The following RALGAPA2 variants were observed in gnomAD, a reference collection of about 807,000 sequenced individuals.
RALGAPA2 encodes Ral GTPase activating protein catalytic subunit alpha 2.
A neutral mutation model predicts 230.4 loss-of-function variants in RALGAPA2; 139 were observed. That is an observed-to-expected ratio of 0.60 (90% CI 0.53 to 0.69). The LOEUF (loss-of-function observed/expected upper bound fraction) is 0.69. Ranked by LOEUF, RALGAPA2 falls within the 30% of genes least tolerant of loss-of-function variation. The pLI is 0.00. For missense variants in RALGAPA2, 2,163 were observed against 2,276.0 expected (o/e 0.95, Z 1.01); for synonymous variants, 847 against 837.8 (o/e 1.01, Z -0.19).
chr20:20,623,251 C>T (rs1009911241), intron 10 of RALGAPA2, among the ~76,000 whole-genome samples: 5 of 151,996 alleles, frequency 3.3e-5, no homozygotes, highest in African/African-American at 9.7e-5. Context: ...AACATATGGA[C>T]GGGGGAGGCT....
intron 36 of RALGAPA2, among the ~76,000 whole-genome samples, chr20:20,488,642 T>A (rs185577469): frequency 7.7e-4 from 117 of 152,326 alleles, no homozygotes; most frequent in Non-Finnish European, 5.1e-4. Flanking sequence ...GTGATGACTA[T>A]CAAGCTCCCT....
intron 1 of RALGAPA2, among the ~76,000 whole-genome samples, chr20:20,709,409 C>T (rs2069753086): frequency 6.6e-6 from 1 of 151,952 alleles, no homozygotes; most frequent in South Asian, 2.1e-4. Context: ...ATTACTCGAG[C>T]CAGGGAGGCC....
At chr20:20,671,179 G>C (rs1369937058) in intron 3 of RALGAPA2, among the ~76,000 whole-genome samples, 1 of 152,118 alleles carries the variant, frequency 6.6e-6, no homozygotes, top group Non-Finnish European at 1.5e-5. Flanking sequence ...TCAGAATACT[G>C]TAATGTCTCC....
intron 36 of RALGAPA2, among the ~76,000 whole-genome samples, chr20:20,487,343 T>G (rs2061937551): frequency 6.6e-6 from 1 of 152,218 alleles, no homozygotes; most frequent in Non-Finnish European, 1.5e-5. Context: ...AAATAAGATC[T>G]GGGATGTGCA....
chr20:20,628,697 T>C (rs928462115), intron 10 of RALGAPA2, among the ~76,000 whole-genome samples: 1 of 152,158 alleles, frequency 6.6e-6, no homozygotes, highest in Non-Finnish European at 1.5e-5. Flanking sequence ...ACCAAAACTG[T>C]TTCCAGACAT....
intron 4 of RALGAPA2, among the ~76,000 whole-genome samples, chr20:20,648,259 A>G (rs1053370642): frequency 1.3e-5 from 2 of 152,224 alleles, no homozygotes; most frequent in African/African-American, 4.8e-5. Context: ...ATACTTCATG[A>G]TTCTACTTAT....
At chr20:20,545,633 T>C (rs940064275) in intron 24 of RALGAPA2, among the ~76,000 whole-genome samples, 7 of 152,202 alleles carry the variant, frequency 4.6e-5, no homozygotes, top group Non-Finnish European at 7.3e-5. Context: ...CACCAATGCT[T>C]AGCAAATAGT....
chr20:20,601,037 T>C (rs1007810215), intron 16 of RALGAPA2, among the ~76,000 whole-genome samples: 2 of 151,826 alleles, frequency 1.3e-5, no homozygotes, highest in Admixed American at 1.3e-4. Context: ...AAGGCAGAGG[T>C]TGCAGTGAGC....
intron 24 of RALGAPA2, among the ~76,000 whole-genome samples, chr20:20,546,494 C>T (rs1365558981): frequency 2.0e-5 from 3 of 152,170 alleles, no homozygotes; most frequent in African/African-American, 7.2e-5. Flanking sequence ...TGATTTCTCA[C>T]ACTTTGGCCT....
intron 23 of RALGAPA2, among the ~76,000 whole-genome samples, chr20:20,557,712 A>G (rs2064126827): frequency 6.6e-6 from 1 of 152,214 alleles, no homozygotes; most frequent in South Asian, 2.1e-4. Flanking sequence ...ATAAGTACGG[A>G]AAACACAACA....
At chr20:20,700,522 G>A (rs2069312321) in intron 1 of RALGAPA2, among the ~76,000 whole-genome samples, 1 of 152,116 alleles carries the variant, frequency 6.6e-6, no homozygotes, top group Non-Finnish European at 1.5e-5. Flanking sequence ...GATGGGGTGG[G>A]GAATGTGACT....
intron 24 of RALGAPA2, among the ~76,000 whole-genome samples, chr20:20,543,296 C>T (rs1039500340): frequency 2.0e-5 from 3 of 152,078 alleles, no homozygotes; most frequent in East Asian, 1.9e-4. Flanking sequence ...CTGTCTGCCC[C>T]GGCCTCCTAA....
At chr20:20,449,863 C>G (rs368656282) in intron 37 of RALGAPA2, among the ~76,000 whole-genome samples, 1 of 152,168 alleles carries the variant, frequency 6.6e-6, no homozygotes, top group East Asian at 1.9e-4. Context: ...TAATTGACAA[C>G]TTTAGAACAA....
At chr20:20,684,315 C>T (rs2068627038) in intron 1 of RALGAPA2, among the ~76,000 whole-genome samples, 1 of 152,154 alleles carries the variant, frequency 6.6e-6, no homozygotes, top group Non-Finnish European at 1.5e-5. Flanking sequence ...ATGCAGCAAG[C>T]TGGCACAGAA....
chr20:20,681,831 C>T (rs2068531996), intron 1 of RALGAPA2, among the ~76,000 whole-genome samples: 1 of 152,112 alleles, frequency 6.6e-6, no homozygotes, highest in South Asian at 2.1e-4. Flanking sequence ...TGCACTTCAG[C>T]CTGGGCAAGA....
chr20:20,548,955 C>T (rs372508210), intron 23 of RALGAPA2, among the ~76,000 whole-genome samples: 21 of 152,112 alleles, frequency 1.4e-4, no homozygotes, highest in African/African-American at 4.8e-4. Flanking sequence ...TAGCAGAATG[C>T]CATGCATTTG....
chr20:20,653,635 AT>A (rs35295219), intron 3 of RALGAPA2, 48 bp from the exon 4 acceptor site: 1 of 1,169,830 alleles, frequency 8.5e-7, no homozygotes, highest in Non-Finnish European at 1.2e-6. Flanking sequence ...GAAATTACAC[AT>A]TTTCATGACA....
intron 37 of RALGAPA2, among the ~76,000 whole-genome samples, chr20:20,431,361 A>G (rs1602347990): frequency 6.6e-6 from 1 of 151,990 alleles, no homozygotes; most frequent in South Asian, 2.1e-4. Context: ...TGGAGGGGGG[A>G]GAAGGAAGGG....
chr20:20,680,899 T>A, intron 1 of RALGAPA2, 98 bp from the exon 2 acceptor site: 1 of 1,484,422 alleles, frequency 6.7e-7, no homozygotes, highest in Non-Finnish European at 8.9e-7. Context: ...ACAACTAGTT[T>A]CATTCCCTTA....
Sources: allele counts gnomAD v4.1 joint callset (sites outside exome capture counted in the v4.1 genomes callset), GRCh38; gene constraint gnomAD v4.1.1; transcripts MANE v1.5; gene names NCBI Gene and HGNC (gene_info 2026-07-23, HGNC 2026-07-21).